PRKN: variants seen among roughly 807,000 people sequenced by gnomAD.
The protein encoded by PRKN is parkin RBR E3 ubiquitin protein ligase.
Under a neutral mutation model 59.5 loss-of-function variants are expected in PRKN, and 56 were observed. The ratio of observed to expected loss-of-function variants is 0.94; its 90% CI spans 0.76 to 1.18. The LOEUF is 1.18. Ranked by LOEUF, PRKN falls within the 50% of genes most tolerant of loss-of-function variation. The pLI, the probability that PRKN is intolerant of heterozygous loss-of-function variation, is 0.00. For synonymous variants in PRKN, 250 were observed against 222.1 expected (o/e 1.13, Z -1.12); for missense variants, 657 against 596.4 (o/e 1.10, Z -1.06).
intron 1 of PRKN, among the ~76,000 whole-genome samples, chr6:162,516,249 T>C (rs191517087): frequency 6.6e-6 from 1 of 152,212 alleles, no homozygotes; most frequent in African/African-American, 2.4e-5. Context: ...GGTGTCCACT[T>C]ATCCCACTAC....
intron 4 of PRKN, among the ~76,000 whole-genome samples, chr6:162,198,937 T>C (rs1784608747): frequency 6.6e-6 from 1 of 152,188 alleles, no homozygotes; most frequent in African/African-American, 2.4e-5. Flanking sequence ...TTCTATTTTT[T>C]TCCCACACAA....
At chr6:161,826,065 C>G (rs1195488399) in intron 6 of PRKN, among the ~76,000 whole-genome samples, 2 of 152,156 alleles carry the variant, frequency 1.3e-5, no homozygotes, top group East Asian at 3.9e-4. Context: ...TCTAGAGGAC[C>G]CTGGCTAAAA....
At chr6:162,326,518 G>A (rs182782772) in intron 2 of PRKN, among the ~76,000 whole-genome samples, 2 of 152,170 alleles carry the variant, frequency 1.3e-5, no homozygotes, top group East Asian at 3.9e-4. Context: ...AATTGCTTTT[G>A]CCTGGGGTCT....
chr6:162,550,335 G>A (rs1377283557), intron 1 of PRKN, among the ~76,000 whole-genome samples: 2 of 152,130 alleles, frequency 1.3e-5, no homozygotes, highest in African/African-American at 4.8e-5. Context: ...GAGCGTCTGG[G>A]GGCTAGACAG....
chr6:161,491,331 A>T (rs555060067), intron 9 of PRKN, among the ~76,000 whole-genome samples: 1 of 152,298 alleles, frequency 6.6e-6, no homozygotes, highest in African/African-American at 2.4e-5. Flanking sequence ...TCTGTGAACC[A>T]CACAGGGAGC....
chr6:161,606,590 T>G (rs975970302), intron 7 of PRKN, among the ~76,000 whole-genome samples: 3 of 152,082 alleles, frequency 2.0e-5, no homozygotes, highest in African/African-American at 7.2e-5. Context: ...AGAAGAGAGA[T>G]GTTAATCAAA....
At chr6:162,188,618 T>C (rs1275036847) in intron 4 of PRKN, among the ~76,000 whole-genome samples, 1 of 152,196 alleles carries the variant, frequency 6.6e-6, no homozygotes, top group Non-Finnish European at 1.5e-5. Context: ...GCTCCAACGC[T>C]GTTCTTTGAA....
chr6:162,201,905 GA>G (rs1485454208), intron 3 of PRKN, among the ~76,000 whole-genome samples: 2 of 152,114 alleles, frequency 1.3e-5, no homozygotes, highest in Non-Finnish European at 2.9e-5. Context: ...AGTAAAAGGT[GA>G]ACAAACAACT....
chr6:161,634,872 A>C (rs1406120042), intron 7 of PRKN, among the ~76,000 whole-genome samples: 1 of 152,238 alleles, frequency 6.6e-6, no homozygotes, highest in Non-Finnish European at 1.5e-5. Context: ...AGAAGAGTTA[A>C]GGATCTGCTG....
chr6:161,514,349 C>G (rs916494692), intron 9 of PRKN, among the ~76,000 whole-genome samples: 1 of 152,012 alleles, frequency 6.6e-6, no homozygotes, highest in East Asian at 1.9e-4. Context: ...CAAACCGGGT[C>G]TGAGCTGCAG....
At chr6:162,715,300 T>C (rs1297506248) in intron 1 of PRKN, among the ~76,000 whole-genome samples, 1 of 152,192 alleles carries the variant, frequency 6.6e-6, no homozygotes, top group Non-Finnish European at 1.5e-5. Flanking sequence ...CACACTTTCA[T>C]TTAGGCAACA....
intron 4 of PRKN, among the ~76,000 whole-genome samples, chr6:162,150,725 T>C (rs1782233912): frequency 6.6e-6 from 1 of 152,210 alleles, no homozygotes; most frequent in Non-Finnish European, 1.5e-5. Context: ...TGAAATATTC[T>C]TGGTGTTTGG....
In PRKN at chr6:161,998,477, C is replaced by T. The variant is rs571840676; in HGVS notation, c.619-25060G>A. On this transcript the variant is annotated intron_variant, in intron 5 of 11. Transcript: ENST00000366898. The stretch of plus-strand genomic sequence containing the variant: ...TAAATAAATATTTATTTGTTTTGTC[C>T]AATTTCCATCTTTATCTGACAAAGA... Among the ~76,000 whole-genome samples the T allele has an allele frequency of 4.6e-5, 7 of 152,166 alleles. No individual in the cohort carries two copies. The East Asian group carries it at 1.4e-3, about 29-fold the overall frequency.
At chr6:161,779,326 G>T (rs1583153653) in intron 7 of PRKN, among the ~76,000 whole-genome samples, 1 of 151,382 alleles carries the variant, frequency 6.6e-6, no homozygotes, top group East Asian at 1.9e-4. Flanking sequence ...AGTAATATGG[G>T]TTCCATCAGC....
intron 7 of PRKN, among the ~76,000 whole-genome samples, chr6:161,660,920 C>A (rs776653797): frequency 1.3e-5 from 2 of 152,174 alleles, no homozygotes; most frequent in Non-Finnish European, 2.9e-5. Flanking sequence ...TAAGTGGACA[C>A]CCAGTCTTCC....
chr6:161,763,087 G>A (rs75746725), intron 7 of PRKN, among the ~76,000 whole-genome samples: 8 of 152,106 alleles, frequency 5.3e-5, no homozygotes, highest in Admixed American at 3.9e-4. Flanking sequence ...CTCTGTAACC[G>A]TTGTATTACC....
chr6:161,616,819 T>G (rs564159252), intron 7 of PRKN, among the ~76,000 whole-genome samples: 12 of 152,316 alleles, frequency 7.9e-5, no homozygotes, highest in Admixed American at 2.0e-4. Context: ...TTGATGGGCA[T>G]TTGGGTTGGT....
rs546881561 is a variant in PRKN, at chr6:161,730,043, C to G, written c.871+55729G>C. Among the ~76,000 whole-genome samples, 12 of 151,908 alleles carry G rather than the reference C, an allele frequency of 7.9e-5. 1 individual carries two copies. In the South Asian group the frequency reaches 2.5e-3, roughly 32 times the overall value. On this transcript the variant is annotated intron_variant, in intron 7 of 11. Transcript: ENST00000366898. ...GTGTTGCATTCTGATGTGTTGTATT[C>G]TTTCTGGTGTGTTGCATTCTGATGT...
intron 1 of PRKN, among the ~76,000 whole-genome samples, chr6:162,682,485 A>G (rs868433528): frequency 6.6e-6 from 1 of 152,204 alleles, no homozygotes; most frequent in Non-Finnish European, 1.5e-5. Flanking sequence ...CATTATGTTA[A>G]GCAAATTAGT....
Sources: gnomAD v4.1 joint callset for allele counts (sites outside exome capture counted in the v4.1 genomes callset) on GRCh38, gnomAD v4.1.1 for gene constraint, MANE v1.5 for transcripts, NCBI Gene and HGNC (gene_info 2026-07-23, HGNC 2026-07-21) for gene names.